The following CTNND2 variants were observed in gnomAD, a reference collection of about 807,000 sequenced individuals.
CTNND2 encodes catenin delta 2.
A neutral mutation model predicts 144.4 loss-of-function variants in CTNND2; 22 were observed. The observed-to-expected ratio is 0.15, with a 90% CI of 0.11 to 0.22. CTNND2 has a LOEUF of 0.22. CTNND2 is among the 10% of genes least tolerant of loss of function. The pLI is 1.00. For synonymous variants in CTNND2, 751 were observed against 695.6 expected (o/e 1.08, Z -1.25); for missense variants, 1,353 against 1,618.8 (o/e 0.84, Z 2.82).
At chr5:11,518,012 G>A (rs1017435653) in intron 3 of CTNND2, among the ~76,000 whole-genome samples, 12 of 152,076 alleles carry the variant, frequency 7.9e-5, no homozygotes, top group Non-Finnish European at 1.3e-4. Flanking sequence ...GTGGTTACCG[G>A]GCATTGGTGG....
chr5:11,193,858 T>C (rs1736590266), intron 11 of CTNND2, among the ~76,000 whole-genome samples: 1 of 152,190 alleles, frequency 6.6e-6, no homozygotes, highest in Admixed American at 6.5e-5. Flanking sequence ...ATACCTGAAC[T>C]TCTATTAAAT....
chr5:11,891,057 G>A (rs1413619107), intron 1 of CTNND2, among the ~76,000 whole-genome samples: 1 of 152,174 alleles, frequency 6.6e-6, no homozygotes, highest in Non-Finnish European at 1.5e-5. Context: ...TGAGACAGCT[G>A]GATCAGCCTC....
chr5:11,181,850 GGATGTGTGTGTGT>G (rs1735036010), intron 11 of CTNND2, among the ~76,000 whole-genome samples: 1 of 53,016 alleles, frequency 1.9e-5, no homozygotes, highest in Admixed American at 1.4e-4. Flanking sequence ...ATGTGTGTGT[GGATGTGTGTGTGT>G]GTTATGTGTG....
intron 3 of CTNND2, among the ~76,000 whole-genome samples, chr5:11,465,551 G>C (rs1327342008): frequency 6.6e-6 from 1 of 152,142 alleles, no homozygotes; most frequent in African/African-American, 2.4e-5. Context: ...CTTTATTTTT[G>C]CCAGACTGAC....
chr5:11,600,524 A>G (rs1779732106), intron 2 of CTNND2, among the ~76,000 whole-genome samples: 1 of 151,738 alleles, frequency 6.6e-6, no homozygotes, highest in Non-Finnish European at 1.5e-5. Flanking sequence ...TGACCAACAT[A>G]GTGAAACCCC....
chr5:11,809,814 G>A (rs1792219568), intron 1 of CTNND2, among the ~76,000 whole-genome samples: 1 of 152,248 alleles, frequency 6.6e-6, no homozygotes. Context: ...TGATTGAAAG[G>A]GTACAGGGCA....
intron 2 of CTNND2, among the ~76,000 whole-genome samples, chr5:11,717,021 CA>C (rs1177667713): frequency 6.6e-6 from 1 of 152,072 alleles, no homozygotes; most frequent in East Asian, 2.0e-4. Flanking sequence ...GTGTGCACCA[CA>C]ATGCCCAGCT....
intron 18 of CTNND2, among the ~76,000 whole-genome samples, chr5:11,012,782 T>A (rs2149526294): frequency 6.6e-6 from 1 of 152,314 alleles, no homozygotes; most frequent in East Asian, 1.9e-4. Flanking sequence ...GTTTTATGAG[T>A]AGAAGTTGAG....
intron 2 of CTNND2, among the ~76,000 whole-genome samples, chr5:11,580,742 T>G (rs1033022130): frequency 3.9e-5 from 6 of 152,214 alleles, no homozygotes. Flanking sequence ...AAATTCATAG[T>G]ATGGTTTCTT....
At chr5:11,503,510 A>G (rs1219405046) in intron 3 of CTNND2, among the ~76,000 whole-genome samples, 2 of 152,228 alleles carry the variant, frequency 1.3e-5, no homozygotes, top group Non-Finnish European at 2.9e-5. Flanking sequence ...GTGAGCTGCC[A>G]ATTATGTGAT....
At chr5:11,769,691 T>C (rs191508564) in intron 1 of CTNND2, among the ~76,000 whole-genome samples, 1 of 152,290 alleles carries the variant, frequency 6.6e-6, no homozygotes, top group African/African-American at 2.4e-5. Flanking sequence ...GGACAGTACA[T>C]ATATGCAAAT....
chr5:11,229,509 A>G (rs1385315383), intron 10 of CTNND2, among the ~76,000 whole-genome samples: 1 of 152,134 alleles, frequency 6.6e-6, no homozygotes, highest in Non-Finnish European at 1.5e-5. Flanking sequence ...GGTGACAGAA[A>G]CAGGCCTTGT....
chr5:11,098,740 T>G lies in CTNND2; in HGVS notation c.2472A>C (p.Gly824=), dbSNP rs376945262. 2 of 1,612,172 alleles carry G rather than the reference T, an allele frequency of 1.2e-6. No individual in the cohort carries two copies. The highest frequency in any genetic ancestry group is 1.7e-6 in the Non-Finnish European group (2 of 1,179,434). The part of the protein sequence containing the change: ...KKKKSQDQWD[G]VGPLPDCAEP... ...CAGCACAGTCTGGAAGAGGTCCTAC[T>G]CCATCCCACTGGCGGAAGAAAAACA... The change falls in exon 15 of 22, where the codon GGA becomes GGC. Residue 824 remains glycine (G), a synonymous_variant. Transcript: ENST00000304623.
At chr5:11,072,654 G>A (rs1259589622) in intron 16 of CTNND2, among the ~76,000 whole-genome samples, 3 of 152,214 alleles carry the variant, frequency 2.0e-5, no homozygotes, top group Non-Finnish European at 4.4e-5. Context: ...CCCTTTGACT[G>A]GAGTCTGGCA....
At position 11,384,995 on chromosome 5, in the gene CTNND2, C is replaced by G; in HGVS notation, c.847G>C (p.Gly283Arg). 6.6e-7 allele frequency: 1 copy of G among 1,508,676 alleles called. No individual in the cohort carries two copies. The highest frequency in any genetic ancestry group is 1.3e-5 in the South Asian group (1 of 79,746). 93.5% of individuals were successfully genotyped at this position (1,508,676 alleles called of 1,614,324 possible). Residue 283 changes from glycine (G) to arginine (R), a missense_variant, in exon 7 of 22, where the codon GGC (glycine) becomes CGC (arginine). Physicochemically the swap from Gly to Arg is moderately radical, Grantham distance 125. Coordinates refer to ENST00000304623, the MANE Select transcript of CTNND2 (RefSeq NM_001332.4). This position sits in a 1 kb window ranked among gnomAD's most constrained non-coding sequence, Gnocchi z 5.2. The stretch of plus-strand genomic sequence containing the variant: ...GTGGCGCCCTCGGGGGCCGAGCCGC[C>G]GCGCTGCAGCTTGGTGGGCGAACCG... Reference protein sequence around the residue: ...QGGSPTKLQRGGSAPEGATYA... With the variant: ...QGGSPTKLQRRGSAPEGATYA...
At chr5:11,448,106 C>T (rs958162625) in intron 3 of CTNND2, among the ~76,000 whole-genome samples, 1 of 152,146 alleles carries the variant, frequency 6.6e-6, no homozygotes, top group Non-Finnish European at 1.5e-5. Context: ...TGCAGATTCA[C>T]ACATTTGTGG....
At position 11,181,469 on chromosome 5, in the gene CTNND2, A is replaced by G. The variant is rs549090007; in HGVS notation, c.1975+17979T>C. ...CACACAGGCTGTGCCCCGGGGAGCC[A>G]TGGTGACCAGCTGAGAGAACTGCAA... is the stretch of plus-strand genomic sequence containing the variant. On this transcript the variant is annotated intron_variant, in intron 11 of 21. Transcript: ENST00000304623. Among the ~76,000 whole-genome samples, 15 of 152,268 alleles carry G rather than the reference A, an allele frequency of 9.9e-5. No homozygotes were observed. In the South Asian group the frequency reaches 2.5e-3, roughly 25 times the overall value.
chr5:11,588,979 G>A, intron 2 of CTNND2: 1 of 985,370 alleles, frequency 1.0e-6, no homozygotes, highest in Non-Finnish European at 1.2e-6. Flanking sequence ...TCAGGACGCT[G>A]AATTATCCTA....
At chr5:11,639,361 C>G (rs752510961) in intron 2 of CTNND2, among the ~76,000 whole-genome samples, 4 of 152,186 alleles carry the variant, frequency 2.6e-5, no homozygotes, top group African/African-American at 4.8e-5. Context: ...GAACCCACCA[C>G]AGACCTACTG....
Sources: allele counts gnomAD v4.1 joint callset (sites outside exome capture counted in the v4.1 genomes callset), GRCh38; gene constraint gnomAD v4.1.1; non-coding constraint Gnocchi (gnomAD v3.1); transcripts MANE v1.5; gene names NCBI Gene and HGNC (gene_info 2026-07-23, HGNC 2026-07-21).